Variants in HPSE2 observed in about 807,000 individuals in gnomAD.
HPSE2 encodes the protein heparanase 2 (inactive), also known as inactive heparanase-2.
A neutral mutation model predicts 60.5 loss-of-function variants in HPSE2; 38 were observed. That is an observed-to-expected ratio of 0.63 (90% confidence interval 0.48 to 0.82). HPSE2 has a LOEUF of 0.82. HPSE2 is among the 40% of genes least tolerant of loss of function. The pLI is 0.00. For missense variants in HPSE2, 713 were observed against 740.4 expected, an observed-to-expected ratio of 0.96 and a Z score of 0.43; for synonymous variants, 295 against 293.2, an observed-to-expected ratio of 1.01 and a Z score of -0.06.
At chr10:98,732,845 T>A (rs1424321344) in intron 4 of HPSE2, among the ~76,000 whole-genome samples, 1 of 152,084 alleles carries the variant, frequency 6.6e-6, no homozygotes, top group East Asian at 1.9e-4. Flanking sequence ...AGTAAAAAAA[T>A]TATTTGCAAA....
intron 4 of HPSE2, among the ~76,000 whole-genome samples, chr10:98,726,231 C>A (rs142821293): frequency 0.012 from 1,834 of 152,042 alleles, 25 homozygotes; most frequent in African/African-American, 0.041. Context: ...ACTTGGAACC[C>A]ACCCAAATGT....
At chr10:98,495,472 A>T (rs988084212) in intron 9 of HPSE2, among the ~76,000 whole-genome samples, 4 of 151,874 alleles carry the variant, frequency 2.6e-5, no homozygotes, top group Admixed American at 6.6e-5. Context: ...ATTTTCTGTG[A>T]TCCTTTTTCT....
intron 3 of HPSE2, among the ~76,000 whole-genome samples, chr10:99,049,338 G>A (rs1285470842): frequency 7.9e-5 from 12 of 152,010 alleles, no homozygotes; most frequent in Admixed American, 7.2e-4. Context: ...CAAAGAGAAA[G>A]GGAACAGAAA....
rs139063518 is a variant in HPSE2 at position 98,739,110 on chromosome 10, G to C, written c.784+4773C>G. Among the ~76,000 whole-genome samples the C allele has an allele frequency of 2.9e-3, 442 of 152,172 alleles. 4 individuals carry two copies. The highest frequency in any genetic ancestry group is 0.01 in the African/African-American group (421 of 41,534). Reference sequence around the variant, plus strand: ...GTGATAGACTAGAAAAAGAGAATGTGGCACATATACACCATGGAATACTAT... The same window carrying C: ...GTGATAGACTAGAAAAAGAGAATGTCGCACATATACACCATGGAATACTAT... On this transcript the variant is annotated intron_variant, in intron 4 of 11. Coordinates refer to ENST00000370552, the MANE Select transcript of HPSE2 (RefSeq NM_021828.5).
At position 98,903,136 on chromosome 10, in the gene HPSE2, A is replaced by C. The variant is rs577837234; in HGVS notation, c.611-159080T>G. On this transcript the variant is annotated intron_variant, in intron 3 of 11. Transcript: ENST00000370552. ...ACAAGCAACAACATGAATGAAACTTAACTTCATTATGCTAAATGAATGAAG... is the reference window on the plus strand; with the variant it reads ...ACAAGCAACAACATGAATGAAACTTCACTTCATTATGCTAAATGAATGAAG... Among the ~76,000 whole-genome samples, 15 of 152,322 alleles carry C rather than the reference A, an allele frequency of 9.8e-5. No individual in the cohort carries two copies. In the East Asian group the frequency reaches 2.7e-3, roughly 27 times the overall value.
chr10:99,296,208 G>A, the HPSE2 span, among the ~76,000 whole-genome samples: 2 of 152,144 alleles, frequency 1.3e-5, no homozygotes, highest in African/African-American at 4.8e-5. Context: ...GTAGTCTGAA[G>A]CATGTAAACA....
chr10:99,070,320 T>G (rs2135545877), intron 3 of HPSE2, among the ~76,000 whole-genome samples: 1 of 152,258 alleles, frequency 6.6e-6, no homozygotes, highest in East Asian at 1.9e-4. Flanking sequence ...AACATACACT[T>G]CTGCAAAGAA....
At chr10:99,029,506 T>C (rs1420515652) in intron 3 of HPSE2, among the ~76,000 whole-genome samples, 1 of 151,926 alleles carries the variant, frequency 6.6e-6, no homozygotes, top group African/African-American at 2.4e-5. Context: ...AGGGGCAGGG[T>C]AAAGAGTGTG....
intron 2 of HPSE2, among the ~76,000 whole-genome samples, chr10:99,219,700 G>A (rs1450154810): frequency 6.6e-6 from 1 of 152,178 alleles, no homozygotes; most frequent in East Asian, 1.9e-4. Flanking sequence ...AAATGGAGAT[G>A]CCAACTTAAA....
chr10:98,587,695 C>T (rs1944976563), intron 9 of HPSE2, among the ~76,000 whole-genome samples: 1 of 152,278 alleles, frequency 6.6e-6, no homozygotes, highest in South Asian at 2.1e-4. Context: ...ACCCCTCCTT[C>T]TGAATCCCTA....
chr10:98,739,659 G>A (rs1261067646), intron 4 of HPSE2, among the ~76,000 whole-genome samples: 2 of 152,042 alleles, frequency 1.3e-5, no homozygotes, highest in Non-Finnish European at 2.9e-5. Flanking sequence ...CCAGAGAACT[G>A]AGTCATATAA....
intron 3 of HPSE2, among the ~76,000 whole-genome samples, chr10:98,951,844 C>A (rs749113593): frequency 6.6e-6 from 1 of 152,166 alleles, no homozygotes; most frequent in Non-Finnish European, 1.5e-5. Context: ...CAGCCAGATT[C>A]TCTACTACAA....
chr10:99,030,123 T>C (rs892539668), intron 3 of HPSE2, among the ~76,000 whole-genome samples: 5 of 152,240 alleles, frequency 3.3e-5, no homozygotes, highest in African/African-American at 1.2e-4. Flanking sequence ...GTTATGATTA[T>C]AGAGCGAGGA....
At chr10:99,114,600 T>A (rs963883143) in intron 3 of HPSE2, among the ~76,000 whole-genome samples, 1 of 152,070 alleles carries the variant, frequency 6.6e-6, no homozygotes, top group Non-Finnish European at 1.5e-5. Context: ...AATAAATCAA[T>A]GTTCCCAAGT....
intron 2 of HPSE2, among the ~76,000 whole-genome samples, chr10:99,180,710 T>A (rs747580617): frequency 6.6e-6 from 1 of 150,940 alleles, no homozygotes; most frequent in Non-Finnish European, 1.5e-5. Context: ...CATGGTGAAA[T>A]CCCGTCTCTA....
At chr10:98,937,700 T>G (rs1277247112) in intron 3 of HPSE2, among the ~76,000 whole-genome samples, 5 of 141,666 alleles carry the variant, frequency 3.5e-5, no homozygotes, top group Non-Finnish European at 1.5e-5. Context: ...TCTGCAGACT[T>G]AAATGTCCCT....
chr10:99,094,528 ATATATATATATATTTTTTTTTTTTTTT>A lies in HPSE2; in HGVS notation c.610+49683_610+49709del, dbSNP rs1173736595. Among the ~76,000 whole-genome samples, 7 of 16,302 alleles carry A rather than the reference ATATATATATATATTTTTTTTTTTTTTT, an allele frequency of 4.3e-4. No homozygotes were observed. In the East Asian group the frequency reaches 0.018, roughly 41 times the overall value. The allele number at this position is 16,302 out of a possible 152,430, so 10.7% of individuals were successfully genotyped here. A position where few individuals can be genotyped will look rare whatever the true frequency, so the allele number is the denominator to read the frequency against. ...TTTTTTATCATTCATATATATATAT[ATATATATATATATTTTTTTTTTTTTTT>A]TTTTTTTTTTTTTTTTTCTGAGACA... On this transcript the variant is annotated intron_variant, in intron 3 of 11. Transcript: ENST00000370552.
chr10:99,184,522 C>CTAA (rs1847899081), intron 2 of HPSE2, among the ~76,000 whole-genome samples: 1 of 60,788 alleles, frequency 1.6e-5, no homozygotes, highest in Admixed American at 2.0e-4. Flanking sequence ...GAGACTGTCT[C>CTAA]AAAAAAAAAA....
intron 2 of HPSE2, among the ~76,000 whole-genome samples, chr10:99,227,289 T>A (rs1374545874): frequency 1.3e-5 from 2 of 152,022 alleles, no homozygotes; most frequent in African/African-American, 4.8e-5. Flanking sequence ...AGATAAAAGA[T>A]ATTTGAAAGT....
Sources: allele counts gnomAD v4.1 joint callset (sites outside exome capture counted in the v4.1 genomes callset), GRCh38; gene constraint gnomAD v4.1.1; transcripts MANE v1.5; gene names NCBI Gene and HGNC (gene_info 2026-07-23, HGNC 2026-07-21).